Variants in TBC1D5 observed in about 807,000 individuals in gnomAD.
TBC1D5 encodes TBC1 domain family member 5, also known as TBC1 domain family, member 5.
A neutral mutation model predicts 100.3 loss-of-function variants in TBC1D5; 75 were observed. That is an observed-to-expected ratio of 0.75 (90% CI 0.62 to 0.91). The LOEUF (loss-of-function observed/expected upper bound fraction) is 0.91. Ranked by LOEUF, TBC1D5 falls within the 40% of genes least tolerant of loss-of-function variation. TBC1D5 has a pLI of 0.00. For missense variants in TBC1D5, 910 were observed against 942.4 expected, an observed-to-expected ratio of 0.97 and a Z score of 0.45; for synonymous variants, 323 against 325.6, an observed-to-expected ratio of 0.99 and a Z score of 0.09.
intron 4 of TBC1D5, among the ~76,000 whole-genome samples, chr3:17,424,606 G>C (rs568401185): frequency 1.2e-4 from 19 of 152,278 alleles, no homozygotes; most frequent in Non-Finnish European, 2.8e-4. Flanking sequence ...CTGCAAATTA[G>C]TTCAGAGATA....
intron 2 of TBC1D5, among the ~76,000 whole-genome samples, chr3:17,598,883 C>CA (rs1269508334): frequency 1.3e-5 from 2 of 152,008 alleles, no homozygotes; most frequent in South Asian, 2.1e-4. Context: ...CTCCCTCACA[C>CA]AAAAAATAAA....
intron 18 of TBC1D5, among the ~76,000 whole-genome samples, chr3:17,197,575 T>A (rs555187259): frequency 6.6e-6 from 1 of 152,190 alleles, no homozygotes; most frequent in African/African-American, 2.4e-5. Flanking sequence ...TCTTGCTATG[T>A]TGTCCCAGCT....
At chr3:17,531,250 T>G (rs1406066952) in intron 2 of TBC1D5, among the ~76,000 whole-genome samples, 1 of 152,130 alleles carries the variant, frequency 6.6e-6, no homozygotes, top group African/African-American at 2.4e-5. Flanking sequence ...TCAAAGAGAA[T>G]AAAATACCTA....
chr3:17,255,599 T>G (rs2149374008), intron 16 of TBC1D5, among the ~76,000 whole-genome samples: 1 of 152,174 alleles, frequency 6.6e-6, no homozygotes, highest in Non-Finnish European at 1.5e-5. Flanking sequence ...TAATTTTTGG[T>G]TTGTCTTTTG....
At chr3:17,188,349 C>A (rs2125582977) in intron 18 of TBC1D5, among the ~76,000 whole-genome samples, 1 of 152,256 alleles carries the variant, frequency 6.6e-6, no homozygotes, top group East Asian at 1.9e-4. Flanking sequence ...ATACCTAAAA[C>A]CCAAGTAGAT....
chr3:17,461,650 G>T (rs2095213373), intron 3 of TBC1D5, among the ~76,000 whole-genome samples: 1 of 150,370 alleles, frequency 6.7e-6, no homozygotes, highest in South Asian at 2.1e-4. Flanking sequence ...GTATGTGTGT[G>T]TGCATGTGTG....
At position 17,565,084 on chromosome 3, in the gene TBC1D5, C is replaced by A. The variant is rs13433975; in HGVS notation, c.-35-56479G>T. On this transcript the variant is annotated intron_variant, in intron 2 of 21. Coordinates refer to ENST00000253692, the Ensembl canonical transcript of TBC1D5. ...GTTATTGTCCCAGTACTTATTACTC[C>A]TAAAACCTGTTCTGGGGAAACTTAT... 9.5e-4 allele frequency among the ~76,000 whole-genome samples: 144 copies of A among 152,180 alleles called. 1 individual carries two copies. The highest frequency in any genetic ancestry group is 3.3e-3 in the African/African-American group (137 of 41,546).
At chr3:17,579,414 C>A (rs1275630735) in intron 2 of TBC1D5, among the ~76,000 whole-genome samples, 1 of 152,084 alleles carries the variant, frequency 6.6e-6, no homozygotes, top group Admixed American at 6.6e-5. Flanking sequence ...ATTTGTCAAT[C>A]TTCCTGCTGC....
chr3:17,170,283 G>T lies in TBC1D5; in HGVS notation c.1853-2455C>A, dbSNP rs962212130. 2.6e-5 allele frequency among the ~76,000 whole-genome samples: 4 copies of T among 152,186 alleles called. No homozygotes were observed. In the South Asian group the frequency reaches 8.3e-4, roughly 32 times the overall value. On this transcript the variant is annotated intron_variant, in intron 19 of 21. Transcript: ENST00000253692. ...GGCTCAGGTTTCCCAGCTCCCACTGGGTAGGTGGGGGCAGCAAGGGAACTG... is the reference window on the plus strand; with the variant it reads ...GGCTCAGGTTTCCCAGCTCCCACTGTGTAGGTGGGGGCAGCAAGGGAACTG...
At chr3:17,531,287 G>A (rs532729783) in intron 2 of TBC1D5, among the ~76,000 whole-genome samples, 1 of 152,174 alleles carries the variant, frequency 6.6e-6, no homozygotes, top group South Asian at 2.1e-4. Flanking sequence ...GGGATGTGAA[G>A]GACTTCTTCA....
At chr3:17,555,635 C>G (rs376389453) in intron 2 of TBC1D5, among the ~76,000 whole-genome samples, 1 of 152,118 alleles carries the variant, frequency 6.6e-6, no homozygotes, top group Non-Finnish European at 1.5e-5. Context: ...TAAACTTCTC[C>G]CACAAGAGAT....
Position 17,249,865 on chromosome 3 carries a change from G to C in TBC1D5, c.1331+8641C>G, listed in dbSNP as rs1270376299. On this transcript the variant is annotated intron_variant, in intron 16 of 21. Coordinates refer to ENST00000253692, the Ensembl canonical transcript of TBC1D5. Reference sequence around the variant, plus strand: ...TTGATTAAATTTGCTGTCTTATATGGGTGCAGTTCATGGTGCCCCAAAACG... The same window carrying C: ...TTGATTAAATTTGCTGTCTTATATGCGTGCAGTTCATGGTGCCCCAAAACG... Among the ~76,000 whole-genome samples, 5 of 152,068 alleles carry C rather than the reference G, an allele frequency of 3.3e-5. No homozygotes were observed. In the East Asian group the frequency reaches 9.6e-4, roughly 29 times the overall value.
chr3:17,596,352 G>C (rs191310540), intron 2 of TBC1D5, among the ~76,000 whole-genome samples: 1 of 130,584 alleles, frequency 7.7e-6, no homozygotes, highest in Non-Finnish European at 1.6e-5. Context: ...ACACAGTCTC[G>C]CAGTCGCCCA....
At chr3:17,489,830 A>G (rs533183785) in intron 3 of TBC1D5, among the ~76,000 whole-genome samples, 3 of 152,312 alleles carry the variant, frequency 2.0e-5, no homozygotes, top group South Asian at 2.1e-4. Context: ...GTGTGCATGT[A>G]TCGTTGTAAT....
chr3:17,379,245 A>G (rs1400201243), intron 9 of TBC1D5, among the ~76,000 whole-genome samples: 1 of 152,070 alleles, frequency 6.6e-6, no homozygotes, highest in Admixed American at 6.6e-5. Context: ...TAAGAACATC[A>G]GATTTTCCAA....
At chr3:17,289,780 G>C (rs2081538599) in intron 15 of TBC1D5, among the ~76,000 whole-genome samples, 1 of 152,150 alleles carries the variant, frequency 6.6e-6, no homozygotes, top group African/African-American at 2.4e-5. Context: ...TGAAGATGTT[G>C]GTGGCAGAGC....
intron 3 of TBC1D5, among the ~76,000 whole-genome samples, chr3:17,483,453 G>C (rs1182675955): frequency 1.3e-5 from 2 of 151,952 alleles, no homozygotes; most frequent in Non-Finnish European, 2.9e-5. Flanking sequence ...TTTAGGGGTG[G>C]GCTTGAGAAG....
intron 15 of TBC1D5, among the ~76,000 whole-genome samples, chr3:17,286,733 G>GA (rs1223085635): frequency 6.6e-6 from 1 of 152,208 alleles, no homozygotes; most frequent in East Asian, 1.9e-4. Flanking sequence ...ATTTCTATGA[G>GA]AAATATGTAA....
chr3:17,258,986 GAA>G (rs1491394465), intron 15 of TBC1D5, among the ~76,000 whole-genome samples: 9 of 152,222 alleles, frequency 5.9e-5, no homozygotes, highest in East Asian at 1.9e-4. Context: ...CGGGGGAAGA[GAA>G]AGTCATTAGT....
Sources: gnomAD v4.1 joint callset for allele counts (sites outside exome capture counted in the v4.1 genomes callset) on GRCh38, gnomAD v4.1.1 for gene constraint, MANE v1.5 for transcripts, NCBI Gene and HGNC (gene_info 2026-07-23, HGNC 2026-07-21) for gene names.